Variants in C8orf34 observed in about 807,000 individuals in gnomAD.
The protein encoded by C8orf34 is uncharacterized protein C8orf34.
In C8orf34, 65 loss-of-function variants were observed where a neutral mutation model predicts 68.3. That is an observed-to-expected ratio of 0.95 (90% CI 0.78 to 1.17). The LOEUF is 1.17. Ranked by LOEUF, C8orf34 falls within the 50% of genes most tolerant of loss-of-function variation. C8orf34 has a pLI of 0.00. For synonymous variants in C8orf34, 244 were observed against 241.2 expected, an observed-to-expected ratio of 1.01 and a Z score of -0.11; for missense variants, 664 against 655.4, an observed-to-expected ratio of 1.01 and a Z score of -0.14.
At chr8:68,488,526 G>T (rs1166584391) in intron 5 of C8orf34, among the ~76,000 whole-genome samples, 2 of 152,124 alleles carry the variant, frequency 1.3e-5, no homozygotes, top group Non-Finnish European at 2.9e-5. Context: ...GTGGTGAGAA[G>T]TGGTGTGGTT....
intron 5 of C8orf34, among the ~76,000 whole-genome samples, chr8:68,490,073 C>A (rs370084014): frequency 2.6e-5 from 4 of 152,178 alleles, no homozygotes; most frequent in Non-Finnish European, 5.9e-5. Context: ...CTAGTCCCCC[C>A]TCTGTGTGCC....
intron 8 of C8orf34, among the ~76,000 whole-genome samples, chr8:68,691,861 C>T: frequency 6.6e-6 from 1 of 151,940 alleles, no homozygotes; most frequent in South Asian, 2.1e-4. Flanking sequence ...ATTTTCTGAG[C>T]ATACTTGGTT....
intron 12 of C8orf34, among the ~76,000 whole-genome samples, chr8:68,811,565 A>G (rs894983492): frequency 6.6e-6 from 1 of 152,154 alleles, no homozygotes; most frequent in Non-Finnish European, 1.5e-5. Context: ...GCCGCTCCAG[A>G]TGGTCCACTG....
Position 68,713,660 on chromosome 8 carries a change from TA to T in C8orf34, c.1327+4589del, listed in dbSNP as rs1020275822. Among the ~76,000 whole-genome samples, 8 of 151,930 alleles carry T rather than the reference TA, an allele frequency of 5.3e-5. No individual in the cohort carries two copies. The East Asian group carries it at 1.2e-3, about 22-fold the overall frequency. On this transcript the variant is annotated intron_variant, in intron 9 of 13. Transcript: ENST00000518698. ...ACAAGCAGTGAGATTGAAATAGTAA[TA>T]AAAAAAATTGCCAATAAAAATAAGT...
intron 7 of C8orf34, among the ~76,000 whole-genome samples, chr8:68,540,532 G>C (rs1333366561): frequency 8.6e-5 from 13 of 151,718 alleles, no homozygotes; most frequent in African/African-American, 2.9e-4. Context: ...ATTTTGAGAG[G>C]ACTCTGTATT....
chr8:68,681,375 C>T (rs973966498), intron 8 of C8orf34, among the ~76,000 whole-genome samples: 8 of 152,248 alleles, frequency 5.3e-5, no homozygotes, highest in South Asian at 2.1e-4. Flanking sequence ...GTTCCTCTGC[C>T]GTGGCTCCAG....
intron 7 of C8orf34, among the ~76,000 whole-genome samples, chr8:68,631,115 A>G (rs1280237012): frequency 6.6e-6 from 1 of 151,770 alleles, no homozygotes; most frequent in Non-Finnish European, 1.5e-5. Flanking sequence ...AAATACAAAC[A>G]TTAGCCAGGC....
At chr8:68,750,248 C>T (rs1004585827) in intron 10 of C8orf34, among the ~76,000 whole-genome samples, 2 of 152,020 alleles carry the variant, frequency 1.3e-5, no homozygotes, top group African/African-American at 4.8e-5. Context: ...AATGGATAAA[C>T]TATATGAGAG....
At chr8:68,726,053 C>T (rs766361068) in intron 10 of C8orf34, among the ~76,000 whole-genome samples, 23 of 152,022 alleles carry the variant, frequency 1.5e-4, no homozygotes, top group Admixed American at 3.3e-4. Context: ...GGATTACAGG[C>T]GCACGCCGCC....
chr8:68,345,762 T>G (rs1806256794), intron 1 of C8orf34, among the ~76,000 whole-genome samples: 1 of 152,024 alleles, frequency 6.6e-6, no homozygotes, highest in African/African-American at 2.4e-5. Context: ...TATATATTTT[T>G]TGTGTATTAT....
intron 7 of C8orf34, among the ~76,000 whole-genome samples, chr8:68,622,503 G>A (rs1220774725): frequency 6.6e-6 from 1 of 152,178 alleles, no homozygotes; most frequent in Non-Finnish European, 1.5e-5. Flanking sequence ...GAACATATGT[G>A]CTTTTTGTGT....
At position 68,623,519 on chromosome 8, in the gene C8orf34, GT is replaced by G. The variant is rs1818447862; in HGVS notation, c.1106-16855del. Reference sequence around the variant, plus strand: ...GTGGTTGACAACCACTGCCTTGGATGTTGTTTTATGGGAGAAAATAAGGTGT... The same window carrying G: ...GTGGTTGACAACCACTGCCTTGGATGTGTTTTATGGGAGAAAATAAGGTGT... On this transcript the variant is annotated intron_variant, in intron 7 of 13. Coordinates refer to ENST00000518698, the MANE Select transcript of C8orf34 (RefSeq NM_052958.4). 2.6e-5 allele frequency among the ~76,000 whole-genome samples: 4 copies of G among 152,246 alleles called. No individual in the cohort carries two copies. In the Middle Eastern group the frequency reaches 0.01, roughly 388 times the overall value.
In C8orf34 at chr8:68,446,368, A is replaced by G; in HGVS notation, c.515A>G (p.Lys172Arg). ...AGAAGGGATTTCAGAAGCTATGATA[A>G]ACCTTGGCAATTAAATGCAAAGAAG... ...GTRRDFRSYD[K>R]PWQLNAKKPK... The change falls in exon 3 of 14, where the codon AAA becomes AGA. Residue 172 changes from lysine to arginine, a missense_variant. Lys to Arg is a conservative substitution (Grantham distance 26). Transcript: ENST00000518698. 6.2e-7 allele frequency: 1 copy of G among 1,610,956 alleles called. No individual in the cohort carries two copies.
At chr8:68,554,674 T>C (rs1816196426) in intron 7 of C8orf34, among the ~76,000 whole-genome samples, 1 of 151,812 alleles carries the variant, frequency 6.6e-6, no homozygotes, top group African/African-American at 2.4e-5. Flanking sequence ...TTAATTTTCA[T>C]AATAACCCTA....
intron 1 of C8orf34, among the ~76,000 whole-genome samples, chr8:68,367,894 T>A (rs1585997948): frequency 2.7e-4 from 4 of 14,698 alleles, no homozygotes; most frequent in Admixed American, 1.1e-3. Flanking sequence ...AAACCTAAAG[T>A]ATAATAAAAA....
At chr8:68,529,094 T>C (rs1815137994) in intron 6 of C8orf34, among the ~76,000 whole-genome samples, 1 of 152,192 alleles carries the variant, frequency 6.6e-6, no homozygotes, top group Non-Finnish European at 1.5e-5. Context: ...GGAACTTCTC[T>C]CTAAAAAGTG....
At chr8:68,533,236 A>T in intron 7 of C8orf34, 87 bp downstream of exon 7, 1 of 1,473,350 alleles carries the variant, frequency 6.8e-7, no homozygotes, top group Non-Finnish European at 9.0e-7. Context: ...AAAAGTTTTG[A>T]ATAGCCTTGT....
chr8:68,631,823 T>C (rs1007865315), intron 7 of C8orf34, among the ~76,000 whole-genome samples: 2 of 152,148 alleles, frequency 1.3e-5, no homozygotes, highest in Non-Finnish European at 2.9e-5. Flanking sequence ...GTGTCTTGCT[T>C]CCCCTTCACC....
intron 7 of C8orf34, among the ~76,000 whole-genome samples, chr8:68,628,612 T>C (rs921745817): frequency 4.6e-5 from 7 of 152,200 alleles, no homozygotes; most frequent in Non-Finnish European, 8.8e-5. Context: ...TTTATTGATA[T>C]AAATCAACAA....
Sources: gnomAD v4.1 joint callset for allele counts (sites outside exome capture counted in the v4.1 genomes callset) on GRCh38, gnomAD v4.1.1 for gene constraint, MANE v1.5 for transcripts, NCBI Gene and HGNC (gene_info 2026-07-23, HGNC 2026-07-21) for gene names.